Variants in EPG5 observed in about 807,000 individuals in gnomAD.
The protein encoded by EPG5 is ectopic P-granules 5 autophagy tethering factor.
EPG5 carries 159 observed loss-of-function variants against 302.7 expected under a neutral mutation model. The observed-to-expected ratio is 0.53, with a 90% CI of 0.46 to 0.60. The LOEUF (loss-of-function observed/expected upper bound fraction) is 0.60, where lower values mean the gene tolerates loss of function less well. Ranked by LOEUF, EPG5 falls within the 20% of genes least tolerant of loss-of-function variation. The pLI is 0.00. For missense variants in EPG5, 2,896 were observed against 3,092.4 expected, an observed-to-expected ratio of 0.94 and a Z score of 1.51; for synonymous variants, 1,158 against 1,136.8, an observed-to-expected ratio of 1.02 and a Z score of -0.37.
At chr18:45,895,638 G>C (rs1468865344) in intron 27 of EPG5, among the ~76,000 whole-genome samples, 1 of 152,210 alleles carries the variant, frequency 6.6e-6, no homozygotes, top group Non-Finnish European at 1.5e-5. Context: ...GAAGTGCTTA[G>C]AGATTCAGAG....
At chr18:45,879,528 C>A (rs539702905) in intron 32 of EPG5, among the ~76,000 whole-genome samples, 2 of 152,188 alleles carry the variant, frequency 1.3e-5, no homozygotes, top group African/African-American at 4.8e-5. Flanking sequence ...CCACCATGCC[C>A]AGCTCATTTT....
chr18:45,807,324 T>G, the EPG5 span, among the ~76,000 whole-genome samples: 2 of 152,136 alleles, frequency 1.3e-5, no homozygotes, highest in Non-Finnish European at 2.9e-5. Flanking sequence ...GGGCATATAC[T>G]CTTGGGAGTT....
chr18:45,909,378 T>A (rs920867061), intron 23 of EPG5, among the ~76,000 whole-genome samples: 1 of 152,154 alleles, frequency 6.6e-6, no homozygotes, highest in Non-Finnish European at 1.5e-5. Context: ...TGGTTAAAAA[T>A]AAGTTCTCCT....
the EPG5 span, chr18:45,839,207 C>T: frequency 3.1e-6 from 4 of 1,290,582 alleles, no homozygotes; most frequent in Non-Finnish European, 3.9e-6. Context: ...GGTTTTTTTG[C>T]CCTATGCATC....
Position 45,855,654 on chromosome 18 carries a change from G to A in EPG5, c.7476C>T (p.Phe2492=), listed in dbSNP as rs755480868. 50 of 1,614,160 alleles carry A rather than the reference G, an allele frequency of 3.1e-5. No individual in the cohort carries two copies. Among genetic ancestry groups the A allele is most frequent in the Non-Finnish European group, 4.1e-5 (48 of 1,179,996 alleles). The part of the protein sequence containing the change: ...FRVVARSMAA[F]LSVQVPMEDQ... ...CTTCCATAGGAACCTGAACTGAAAG[G>A]AAGGCAGCCATGCTTCGGGCAACCA... Residue 2492 remains phenylalanine (F), a synonymous_variant, in exon 43 of 44, where the codon TTC becomes TTT. Coordinates refer to ENST00000282041, the MANE Select transcript of EPG5 (RefSeq NM_020964.3).
intron 34 of EPG5, among the ~76,000 whole-genome samples, chr18:45,877,919 T>C (rs2145381140): frequency 6.6e-6 from 1 of 152,346 alleles, no homozygotes; most frequent in South Asian, 2.1e-4. Context: ...TGGACAGCTC[T>C]ATACCTCTAA....
At chr18:45,883,918 ATAT>A (rs1390067755) in intron 30 of EPG5, among the ~76,000 whole-genome samples, 2 of 149,130 alleles carry the variant, frequency 1.3e-5, no homozygotes, top group African/African-American at 2.4e-5. Flanking sequence ...ATAAAATATA[ATAT>A]TAATATAAAA....
intron 3 of EPG5, 110 bp downstream of exon 3, chr18:45,952,290 C>T: frequency 7.4e-7 from 1 of 1,350,870 alleles, no homozygotes; most frequent in South Asian, 1.4e-5. Flanking sequence ...ACTGCAAGCA[C>T]AAATGGTACC....
chr18:45,859,117 C>T (rs1053584730), intron 40 of EPG5, among the ~76,000 whole-genome samples: 4 of 152,226 alleles, frequency 2.6e-5, no homozygotes. Flanking sequence ...TAGACACTGC[C>T]TGTCCTGGTC....
At chr18:45,856,446 G>T (rs1389040384) in intron 42 of EPG5, among the ~76,000 whole-genome samples, 1 of 152,158 alleles carries the variant, frequency 6.6e-6, no homozygotes, top group African/African-American at 2.4e-5. Context: ...CTTTTGGAGT[G>T]ATGAAAATGT....
the EPG5 span, chr18:45,841,995 G>A: frequency 6.6e-4 from 664 of 998,568 alleles, 6 homozygotes; most frequent in African/African-American, 9.6e-3. Flanking sequence ...GGTTCCAGCC[G>A]CACTGCTCCC....
In EPG5 at chr18:45,916,166, G is replaced by A. The variant is rs770637062; in HGVS notation, c.3425C>T (p.Pro1142Leu). The A allele has an allele frequency of 6.2e-7, 1 of 1,614,012 alleles. No homozygotes were observed. Among genetic ancestry groups the A allele is most frequent in the South Asian group, 1.1e-5 (1 of 91,066 alleles). ...AACCCAGAACTCCAACACAGCAACG[G>A]GGCCCACTTCATTGGGCTGAGTGCT... ...SVSTQPNEVGPVAVLEFWVQA... is the reference protein window; with the variant it reads ...SVSTQPNEVGLVAVLEFWVQA... The change falls in exon 19 of 44, where the codon CCC (proline) becomes CTC (leucine). Residue 1142 changes from proline to leucine, a missense_variant. By Grantham distance (98) the Pro-to-Leu change is moderately conservative. Coordinates refer to ENST00000282041, the MANE Select transcript of EPG5 (RefSeq NM_020964.3).
the EPG5 span, among the ~76,000 whole-genome samples, chr18:45,830,112 G>A: frequency 0.012 from 1,098 of 90,208 alleles, 14 homozygotes; most frequent in African/African-American, 0.044. Flanking sequence ...TAACAGAAGC[G>A]TGACTACGCC....
intron 9 of EPG5, among the ~76,000 whole-genome samples, chr18:45,940,760 A>AAAAAATAAT: frequency 6.6e-6 from 1 of 151,112 alleles, no homozygotes; most frequent in South Asian, 2.2e-4. Context: ...TGGTATTTTG[A>AAAAAATAAT]TGGTGGAGAT....
chr18:45,842,279 G>A, the EPG5 span: 1 of 1,437,396 alleles, frequency 7.0e-7, no homozygotes, highest in South Asian at 1.2e-5. Context: ...TGGTTCTCGG[G>A]CACCTTGGCA....
chr18:45,953,786 C>A (rs2050963258), intron 2 of EPG5: 4 of 985,350 alleles, frequency 4.1e-6, no homozygotes, highest in Non-Finnish European at 4.8e-6. Context: ...AGCTAGGAAT[C>A]AGTTACTACC....
chr18:45,808,327 T>G, the EPG5 span, among the ~76,000 whole-genome samples: 1 of 152,140 alleles, frequency 6.6e-6, no homozygotes, highest in East Asian at 1.9e-4. Context: ...CAAGGAAAAC[T>G]TCCCCAGACT....
intron 11 of EPG5, among the ~76,000 whole-genome samples, chr18:45,932,823 G>A (rs1408114801): frequency 2.6e-5 from 4 of 152,092 alleles, no homozygotes; most frequent in South Asian, 4.1e-4. Flanking sequence ...TAAAAGTGCC[G>A]TGGAAGCCTG....
chr18:45,934,842 GGGA>G lies in EPG5; in HGVS notation c.2221_2223del (p.Ser741del), dbSNP rs1444574468. ...TGCTGCTTGCACTGGGCGGGCTGCA[GGGA>G]GGAGGAGAGCTGCTGCAGGTTCTCG... On this transcript the variant is annotated inframe_deletion, in exon 11 of 44. Transcript: ENST00000282041. 3 of 1,614,026 alleles carry G rather than the reference GGGA, an allele frequency of 1.9e-6. No individual in the cohort carries two copies. Among genetic ancestry groups the G allele is most frequent in the African/African-American group, 1.3e-5 (1 of 74,922 alleles).
Sources: gnomAD v4.1 joint callset for allele counts (sites outside exome capture counted in the v4.1 genomes callset) on GRCh38, gnomAD v4.1.1 for gene constraint, MANE v1.5 for transcripts, NCBI Gene and HGNC (gene_info 2026-07-23, HGNC 2026-07-21) for gene names.